The following GGA3 variants were observed in gnomAD, a reference collection of about 807,000 sequenced individuals.
The protein encoded by GGA3 is ADP-ribosylation factor-binding protein GGA3.
GGA3 carries 57 observed loss-of-function variants against 77.5 expected under a neutral mutation model. The observed-to-expected ratio is 0.74, with a 90% CI of 0.59 to 0.92. GGA3 has a LOEUF of 0.92. Ranked by LOEUF, GGA3 falls within the 40% of genes least tolerant of loss-of-function variation. GGA3 has a pLI of 0.00. For missense variants in GGA3, 970 were observed against 914.9 expected (o/e 1.06, Z -0.78); for synonymous variants, 416 against 383.7 (o/e 1.08, Z -0.98).
Position 75,237,921 on chromosome 17 carries a change from AC to A in GGA3, c.*357del. On this transcript the variant is annotated 3_prime_UTR_variant, in exon 17 of 17. Coordinates refer to ENST00000537686, the MANE Select transcript of GGA3 (RefSeq NM_138619.4). The stretch of plus-strand genomic sequence containing the variant: ...TGACAGTCTCTCTTTAGAGACTCCC[AC>A]CCCCCACCCCCCACCCCAGTGGCTT... The A allele has an allele frequency of 1.2e-5, 5 of 424,520 alleles. No homozygotes were observed. Among genetic ancestry groups the A allele is most frequent in the Non-Finnish European group, 1.6e-5 (5 of 317,120 alleles). 26.3% of individuals were successfully genotyped at this position (424,520 alleles called of 1,614,324 possible).
At chr17:75,241,081 C>G in intron 10 of GGA3, 24 bp from the exon 11 acceptor site, 1 of 1,613,882 alleles carries the variant, frequency 6.2e-7, no homozygotes, top group Non-Finnish European at 8.5e-7. Flanking sequence ...CAGAGCAGAA[C>G]AGGAATAATT....
chr17:75,249,919 T>C (rs761025681), intron 1 of GGA3, among the ~76,000 whole-genome samples: 8 of 152,236 alleles, frequency 5.3e-5, no homozygotes, highest in African/African-American at 1.9e-4. Context: ...TTAATTTCTC[T>C]AGAATCTCAC....
At chr17:75,248,447 GGC>G (rs2076831190) in intron 1 of GGA3, among the ~76,000 whole-genome samples, 5 of 106,372 alleles carry the variant, frequency 4.7e-5, no homozygotes, top group Admixed American at 2.7e-4. Flanking sequence ...TTCCAGCCTG[GGC>G]GACAGCGAGA....
rs760646901 is a variant in GGA3 at position 75,240,922 on chromosome 17, T to C, written c.1082A>G (p.Gln361Arg). ...SGIPILPPPP[Q>R]ASGPPRSRSS... ...GCGGCTCCGTGGAGGTCCTGAGGCC[T>C]GGGGTGGTGGAGGGAGGATTGGGAT... The change falls in exon 11 of 17, where the codon CAG (glutamine) becomes CGG (arginine). Residue 361 changes from glutamine to arginine, a missense_variant. Coordinates refer to ENST00000537686, the MANE Select transcript of GGA3 (RefSeq NM_138619.4). 4.3e-6 allele frequency: 7 copies of C among 1,613,594 alleles called. No individual in the cohort carries two copies. The highest frequency in any genetic ancestry group is 2.2e-5 in the East Asian group (1 of 44,806).
At chr17:75,246,179 A>T (rs186268078) in intron 3 of GGA3, among the ~76,000 whole-genome samples, 3 of 152,214 alleles carry the variant, frequency 2.0e-5, no homozygotes, top group Non-Finnish European at 4.4e-5. Flanking sequence ...CAGCCCTGTC[A>T]GCATCTCTTC....
At chr17:75,241,548 G>A in intron 9 of GGA3, 32 bp from the exon 10 acceptor site, 1 of 1,600,132 alleles carries the variant, frequency 6.2e-7, no homozygotes, top group Non-Finnish European at 8.6e-7. Flanking sequence ...TCTCACTCCT[G>A]TTGTGACAGT....
chr17:75,239,381 T>C lies in GGA3; in HGVS notation c.1774A>G (p.Lys592Glu). The C allele has an allele frequency of 6.5e-7, 1 of 1,546,048 alleles. No individual in the cohort carries two copies. The highest frequency in any genetic ancestry group is 1.3e-5 in the South Asian group (1 of 78,898). Reference protein sequence around the residue: ...ASIHVPLESIKPSSALPVTAY... With the variant: ...ASIHVPLESIEPSSALPVTAY... ...TCAATCCTCCAACACCTACTAGGCT[T>C]GATCGATTCCAGGGGCACGTGGATG... Residue 592 changes from lysine to glutamate, a missense_variant, in exon 14 of 17, where the codon AAG (lysine) becomes GAG (glutamate). Physicochemically the swap from Lys to Glu is moderately conservative, Grantham distance 56. Transcript: ENST00000537686.
intron 1 of GGA3, among the ~76,000 whole-genome samples, chr17:75,255,453 C>G (rs113565684): frequency 0.36 from 53,801 of 150,472 alleles, 11,304 homozygotes; most frequent in Non-Finnish European, 0.5. Flanking sequence ...TATTCCCCCC[C>G]ACCTTAACCC....
At position 75,242,321 on chromosome 17, in the gene GGA3, C is replaced by T. The variant is rs201758999; in HGVS notation, c.747+15G>A. ...CGCAGCCCCGGGAGGCAGCCTTTGC[C>T]GTCGGCGGTCCCACCTTCATCAGCT... On this transcript the variant is annotated intron_variant, in intron 8 of 16. Transcript: ENST00000537686. 1.7e-4 allele frequency: 275 copies of T among 1,614,062 alleles called. No individual in the cohort carries two copies. Among genetic ancestry groups the T allele is most frequent in the Non-Finnish European group, 2.1e-4 (243 of 1,179,960 alleles).
chr17:75,238,509 G>T, intron 16 of GGA3, 120 bp from the exon 17 acceptor site: 1 of 996,006 alleles, frequency 1.0e-6, no homozygotes, highest in Non-Finnish European at 1.5e-6. Context: ...CCCCAACCAT[G>T]CTCAGACACT....
intron 1 of GGA3, chr17:75,249,109 G>A (rs534835073): frequency 2.7e-5 from 14 of 514,564 alleles, no homozygotes; most frequent in Non-Finnish European, 3.5e-5. Context: ...GCAGTGGCGC[G>A]ATCTAGGCTC....
chr17:75,256,553 A>C (rs1445090304), intron 1 of GGA3, among the ~76,000 whole-genome samples: 1 of 152,004 alleles, frequency 6.6e-6, no homozygotes, highest in African/African-American at 2.4e-5. Flanking sequence ...TGATTTATTG[A>C]TGGCAGTTCC....
At chr17:75,240,750 C>T (rs2076520237) in intron 11 of GGA3, 62 bp downstream of exon 11, 7 of 1,527,430 alleles carry the variant, frequency 4.6e-6, no homozygotes. Flanking sequence ...CTCCTAATTC[C>T]ACACACCCTT....
chr17:75,257,262 G>C (rs1598450611), intron 1 of GGA3, among the ~76,000 whole-genome samples: 1 of 134,672 alleles, frequency 7.4e-6, no homozygotes. Context: ...CCAGACACCA[G>C]ACCAACTTAG....
At chr17:75,243,612 G>A (rs370947659) in intron 4 of GGA3, 42 bp from the exon 5 acceptor site, 115 of 1,602,412 alleles carry the variant, frequency 7.2e-5, no homozygotes, top group Non-Finnish European at 8.3e-5. Context: ...AGTGCAGTTC[G>A]GAGGCAGAGA....
At chr17:75,241,178 C>T in intron 10 of GGA3, 121 bp from the exon 11 acceptor site, 2 of 1,211,020 alleles carry the variant, frequency 1.7e-6, no homozygotes, top group Non-Finnish European at 2.4e-6. Context: ...CCAACGGCAT[C>T]TCTGCCAGGG....
rs762296931 is a variant in GGA3 at position 75,242,875 on chromosome 17, C to G, written c.565G>C (p.Asp189His). 6.2e-7 allele frequency: 1 copy of G among 1,614,086 alleles called. No individual in the cohort carries two copies. The change falls in exon 7 of 17, where the codon GAC becomes CAC. Residue 189 changes from aspartate to histidine, a missense_variant. Asp to His is a moderately conservative substitution (Grantham distance 81, BLOSUM62 -1). Coordinates refer to ENST00000537686, the MANE Select transcript of GGA3 (RefSeq NM_138619.4). ...ATGAGCTTGTTGGCCTCCTGCAGGTCATCTGGGTTTTTGCTTTTCAGCAGC... is the reference window on the plus strand; with the variant it reads ...ATGAGCTTGTTGGCCTCCTGCAGGTGATCTGGGTTTTTGCTTTTCAGCAGC... ...AKLLKSKNPD[D>H]LQEANKLIKS...
intron 4 of GGA3, 111 bp from the exon 5 acceptor site, chr17:75,243,681 A>T: frequency 9.5e-7 from 1 of 1,057,034 alleles, no homozygotes; most frequent in East Asian, 2.6e-5. Context: ...GGTCCTACTC[A>T]AAATCTGCAG....
rs551453336 is a variant in GGA3 at position 75,252,580 on chromosome 17, C to A, written c.41-5784G>T. On this transcript the variant is annotated intron_variant, in intron 1 of 16. Transcript: ENST00000537686. ...CACTCCTTCTCACCTGCTTCTAGAA[C>A]TTCTGTTCTAATCCATCCTAATCCT... 5.3e-5 allele frequency among the ~76,000 whole-genome samples: 8 copies of A among 152,272 alleles called. No homozygotes were observed. The South Asian group carries it at 1.7e-3, about 32-fold the overall frequency.
Sources: allele counts gnomAD v4.1 joint callset (sites outside exome capture counted in the v4.1 genomes callset), GRCh38; gene constraint gnomAD v4.1.1; transcripts MANE v1.5; gene names NCBI Gene and HGNC (gene_info 2026-07-23, HGNC 2026-07-21).